MXRA8: variants seen among roughly 807,000 people sequenced by gnomAD.
MXRA8 encodes matrix remodeling-associated protein 8.
MXRA8 carries 44 observed loss-of-function variants against 51.4 expected under a neutral mutation model. The ratio of observed to expected loss-of-function variants is 0.86; its 90% CI spans 0.67 to 1.10. The LOEUF is 1.10. Ranked by LOEUF, MXRA8 falls within the 50% of genes least tolerant of loss-of-function variation. The pLI is 0.00. For missense variants in MXRA8, 765 were observed against 638.9 expected, an observed-to-expected ratio of 1.20 and a Z score of -2.13; for synonymous variants, 369 against 293.5, an observed-to-expected ratio of 1.26 and a Z score of -2.63.
chr1:1,361,591 G>GT (rs1202631590), upstream of MXRA8: 3 of 450,838 alleles, frequency 6.7e-6, no homozygotes, highest in Admixed American at 3.5e-5. Context: ...GGGACCCTGT[G>GT]TGTGTGGTAG....
chr1:1,356,588 G>T, intron 2 of MXRA8, 93 bp downstream of exon 2: 1 of 886,350 alleles, frequency 1.1e-6, no homozygotes, highest in Non-Finnish European at 1.5e-6. Flanking sequence ...GTGGGGGAGG[G>T]GCAGGGCCTG....
chr1:1,360,337 G>C (rs963292117), upstream of MXRA8, among the ~76,000 whole-genome samples: 14 of 152,220 alleles, frequency 9.2e-5, 1 homozygote, highest in Non-Finnish European at 1.6e-4. Flanking sequence ...GGCTGATGAG[G>C]CCATCAGGCC....
chr1:1,358,986 C>G (rs1295027424), upstream of MXRA8: 1 of 985,476 alleles, frequency 1.0e-6, no homozygotes, highest in South Asian at 4.7e-5. Context: ...TGAGACCGCC[C>G]CCACCCACGG....
At chr1:1,354,638 G>C (rs369403132) in intron 5 of MXRA8, 44 bp downstream of exon 5, 1 of 1,539,314 alleles carries the variant, frequency 6.5e-7, no homozygotes, top group African/African-American at 1.4e-5. Context: ...ACCCCCGGTG[G>C]GGTGGGCTCC....
chr1:1,362,790 A>ATT (rs879567237), upstream of MXRA8, among the ~76,000 whole-genome samples: 124,916 of 144,812 alleles, frequency 0.86, 54,245 homozygotes, highest in Non-Finnish European at 0.93. Context: ...CAAAAAAAAA[A>ATT]AAAAAAAAAA....
chr1:1,358,330 G>C (rs1042110873), intron 1 of MXRA8, 126 bp downstream of exon 1: 2 of 1,110,426 alleles, frequency 1.8e-6, no homozygotes, highest in Non-Finnish European at 1.3e-6. Flanking sequence ...CCCCAGACCC[G>C]TCCTCTTCCC....
chr1:1,358,412 C>G (rs1557686096), intron 1 of MXRA8, 44 bp downstream of exon 1: 33 of 1,575,542 alleles, frequency 2.1e-5, no homozygotes, highest in Non-Finnish European at 2.8e-5. Flanking sequence ...CTCGCACAGC[C>G]CCACGTGCCA....
rs529960642 is a variant in MXRA8, at chr1:1,353,314, G to T, written c.*290C>A. 2.6e-6 allele frequency: 4 copies of T among 1,549,842 alleles called. No individual in the cohort carries two copies. The Admixed American group carries it at 5.9e-5, about 23-fold the overall frequency. ...CCAGGAATGTCTTCAGGCCCCCAGC[G>T]GGCAGAGCCCAGAAGGGTCTGAGGG... On this transcript the variant is annotated 3_prime_UTR_variant, in exon 10 of 10. Coordinates refer to ENST00000309212, the MANE Select transcript of MXRA8 (RefSeq NM_032348.4).
In MXRA8 at chr1:1,356,766, C is replaced by G. The variant is rs1644142526; in HGVS notation, c.50-62G>C. ...AGCCCCACCCAGCCCCGAGACCCCC[C>G]ACTTGGCCCCCAGAGTCCCTCCTGT... is the stretch of plus-strand genomic sequence containing the variant. On this transcript the variant is annotated intron_variant, in intron 1 of 9. Transcript: ENST00000309212. The G allele has an allele frequency of 6.1e-6, 8 of 1,317,624 alleles. No homozygotes were observed. In the South Asian group the frequency reaches 6.7e-5, roughly 11 times the overall value. 81.6% of individuals were successfully genotyped at this position (1,317,624 alleles called of 1,614,324 possible).
chr1:1,353,649 ACGGGTTGG>A lies in MXRA8; in HGVS notation c.1304-28_1304-21del. On this transcript the variant is annotated intron_variant, in intron 9 of 9. Coordinates refer to ENST00000309212, the MANE Select transcript of MXRA8 (RefSeq NM_032348.4). ...GGAACCCTGGAAGCCAAGGGCGCCA[ACGGGTTGG>A]CGGCTGTCCTCCACCCTCATCACAG... The A allele has an allele frequency of 6.4e-7, 1 of 1,562,580 alleles. No homozygotes were observed. The highest frequency in any genetic ancestry group is 2.3e-5 in the East Asian group (1 of 42,782).
chr1:1,358,772 GGGACAAGAAGGTCCGA>G, upstream of MXRA8: 1 of 1,236,676 alleles, frequency 8.1e-7, no homozygotes, highest in Admixed American at 4.0e-5. Flanking sequence ...CACCCTTGGA[GGGACAAGAAGGTCCGA>G]GGACATGGGC....
intron 1 of MXRA8, among the ~76,000 whole-genome samples, chr1:1,356,976 G>T (rs1462038777): frequency 6.6e-6 from 1 of 152,096 alleles, no homozygotes; most frequent in Non-Finnish European, 1.5e-5. Flanking sequence ...GTGTGTGCTT[G>T]TCACCGGGGC....
chr1:1,358,318 G>T, intron 1 of MXRA8, 138 bp downstream of exon 1: 2 of 905,774 alleles, frequency 2.2e-6, no homozygotes, highest in Non-Finnish European at 3.2e-6. Context: ...TCTCCCGAGC[G>T]CCCCCAGACC....
upstream of MXRA8, chr1:1,359,559 G>A (rs948838511): frequency 2.0e-6 from 2 of 985,230 alleles, no homozygotes; most frequent in African/African-American, 3.5e-5. Flanking sequence ...GCTGGGTGGG[G>A]GGCTCACCCC....
chr1:1,360,249 C>T (rs987618746), upstream of MXRA8, among the ~76,000 whole-genome samples: 65 of 152,346 alleles, frequency 4.3e-4, 2 homozygotes, highest in African/African-American at 1.5e-3. Context: ...CAGAGGCTGT[C>T]GTCTGAGAGG....
At chr1:1,356,114 CCT>C (rs1330468851) in intron 2 of MXRA8, among the ~76,000 whole-genome samples, 1 of 81,022 alleles carries the variant, frequency 1.2e-5, no homozygotes, top group Non-Finnish European at 2.4e-5. Context: ...GGTGTGGGCC[CCT>C]GAGGCCCCTC....
chr1:1,357,427 A>T (rs1382365236), intron 1 of MXRA8, among the ~76,000 whole-genome samples: 1 of 149,072 alleles, frequency 6.7e-6, no homozygotes, highest in Non-Finnish European at 1.5e-5. Flanking sequence ...CCCACGCCCC[A>T]CATGGACTGT....
chr1:1,357,053 G>C (rs370232000), intron 1 of MXRA8, among the ~76,000 whole-genome samples: 3 of 152,084 alleles, frequency 2.0e-5, no homozygotes, highest in Non-Finnish European at 4.4e-5. Context: ...GTTCCCCCAC[G>C]CTCCCTCCAG....
chr1:1,361,026 A>T (rs944710470), upstream of MXRA8, among the ~76,000 whole-genome samples: 4 of 151,782 alleles, frequency 2.6e-5, no homozygotes, highest in Non-Finnish European at 4.4e-5. Flanking sequence ...ACACATACAC[A>T]TGCATGCACA....
Sources: gnomAD v4.1 joint callset for allele counts (sites outside exome capture counted in the v4.1 genomes callset) on GRCh38, gnomAD v4.1.1 for gene constraint, MANE v1.5 for transcripts, NCBI Gene and HGNC (gene_info 2026-07-23, HGNC 2026-07-21) for gene names.